Variants in TRIOBP observed in about 807,000 individuals in gnomAD.
TRIOBP encodes the protein TRIO and F-actin-binding protein.
TRIOBP carries 169 observed loss-of-function variants against 238.8 expected under a neutral mutation model. That is an observed-to-expected ratio of 0.71 (90% CI 0.62 to 0.80). The LOEUF (loss-of-function observed/expected upper bound fraction) is 0.80. Ranked by LOEUF, TRIOBP falls within the 30% of genes least tolerant of loss-of-function variation. The probability of loss-of-function intolerance (pLI) is 0.00; values close to 1 mark genes in which losing one functional copy is unlikely to be tolerated. For missense variants in TRIOBP, 2,838 were observed against 3,122.6 expected, an observed-to-expected ratio of 0.91 and a Z score of 2.17; for synonymous variants, 1,150 against 1,274.4, an observed-to-expected ratio of 0.90 and a Z score of 2.08.
At position 37,726,444 on chromosome 22, in the gene TRIOBP, G is replaced by C. The variant is rs1924166198; in HGVS notation, c.3888G>C (p.Gly1296=). 6.3e-7 allele frequency: 1 copy of C among 1,575,862 alleles called. No homozygotes were observed. Among genetic ancestry groups the C allele is most frequent in the Non-Finnish European group, 8.6e-7 (1 of 1,164,502 alleles). ...QPGPQAQCSS[G]GRTHSPGRAE... ...GGCCCCAGGCGCAGTGCAGCAGCGG[G>C]GGCCGCACCCACAGCCCTGGCCGTG... The change falls in exon 7 of 24, where the codon GGG becomes GGC. Residue 1296 remains glycine, a synonymous_variant. Transcript: ENST00000644935.
At chr22:37,746,509 C>A in intron 11 of TRIOBP, 2 of 1,154,684 alleles carry the variant, frequency 1.7e-6, no homozygotes, top group Admixed American at 3.5e-5. Context: ...CCGGGGCAGC[C>A]CCCTCCTCAT....
intron 4 of TRIOBP, among the ~76,000 whole-genome samples, chr22:37,712,896 G>A (rs1042196872): frequency 6.6e-6 from 1 of 151,664 alleles, no homozygotes; most frequent in African/African-American, 2.4e-5. Flanking sequence ...GGCAGAGATT[G>A]CAGTGAGCCG....
rs1468472162 is a variant in TRIOBP, at chr22:37,701,585, TC to T, written c.114+108del. On this transcript the variant is annotated intron_variant, in intron 3 of 23. Coordinates refer to ENST00000644935, the MANE Select transcript of TRIOBP (RefSeq NM_001039141.3). ...CGCAGTTGAACCCAGATGCTGGACTTCCTCCTGTCGAGAGCCTCGGTTTTCC... is the reference window on the plus strand; with the variant it reads ...CGCAGTTGAACCCAGATGCTGGACTTCTCCTGTCGAGAGCCTCGGTTTTCC... 5.0e-6 allele frequency: 4 copies of T among 800,714 alleles called. No homozygotes were observed. In the East Asian group the frequency reaches 1.1e-4, roughly 22 times the overall value. 49.6% of individuals were successfully genotyped at this position (800,714 alleles called of 1,614,324 possible). A position where few individuals can be genotyped will look rare whatever the true frequency, so the allele number is the denominator to read the frequency against.
Position 37,725,169 on chromosome 22 carries a change from C to T in TRIOBP, c.2613C>T (p.Cys871=). 3 of 1,614,146 alleles carry T rather than the reference C, an allele frequency of 1.9e-6. No individual in the cohort carries two copies. Among genetic ancestry groups the T allele is most frequent in the Non-Finnish European group, 2.5e-6 (3 of 1,180,004 alleles). ...ACCCTGGAACCTCCTCATCTCAATG[C>T]TGCACCCAAAAGGAGAATCTGAGAC... The part of the protein sequence containing the change: ...RDNPGTSSSQ[C]CTQKENLRPS... The change falls in exon 7 of 24, where the codon TGC becomes TGT. Residue 871 remains cysteine (C), a synonymous_variant. Transcript: ENST00000644935.
intron 6 of TRIOBP, 71 bp downstream of exon 6, chr22:37,716,005 A>G: frequency 1.3e-6 from 2 of 1,568,764 alleles, no homozygotes; most frequent in Non-Finnish European, 8.7e-7. Context: ...CTCACTGGCC[A>G]TTTGGGACTC....
intron 3 of TRIOBP, among the ~76,000 whole-genome samples, chr22:37,705,815 A>G (rs906277882): frequency 5.9e-5 from 9 of 152,092 alleles, no homozygotes; most frequent in South Asian, 2.1e-4. Flanking sequence ...GCCTCAAGCA[A>G]TCTGCCCTCC....
chr22:37,700,512 C>T (rs1922591146), intron 2 of TRIOBP, among the ~76,000 whole-genome samples: 1 of 151,542 alleles, frequency 6.6e-6, no homozygotes, highest in Admixed American at 6.6e-5. Context: ...ACCTCCCAGA[C>T]TCAGGTGATC....
chr22:37,733,516 A>G, intron 8 of TRIOBP, 104 bp downstream of exon 8: 3 of 905,112 alleles, frequency 3.3e-6, no homozygotes, highest in South Asian at 2.8e-5. Context: ...AAGGTCCTCT[A>G]TGAAAGGGTC....
intron 14 of TRIOBP, 46 bp from the exon 15 acceptor site, chr22:37,755,504 C>G: frequency 6.5e-7 from 1 of 1,540,448 alleles, no homozygotes. Flanking sequence ...GGGAGGGAGT[C>G]ATGCGGCTGG....
chr22:37,733,968 A>G (rs1924543274), intron 8 of TRIOBP, among the ~76,000 whole-genome samples: 1 of 152,214 alleles, frequency 6.6e-6, no homozygotes, highest in Non-Finnish European at 1.5e-5. Context: ...CACCTGGCCA[A>G]TACTGCTGTC....
Position 37,724,611 on chromosome 22 carries a change from C to T in TRIOBP, c.2055C>T (p.Ser685=), listed in dbSNP as rs780007750. 12 of 1,612,236 alleles carry T rather than the reference C, an allele frequency of 7.4e-6. No individual in the cohort carries two copies. In the South Asian group the frequency reaches 9.9e-5, roughly 13 times the overall value. Reference sequence around the variant, plus strand: ...CCCTACGGGACAATCCCAGAGCCTCCTCTCCCAGCAGAACCATCCAACAAG... The same window carrying T: ...CCCTACGGGACAATCCCAGAGCCTCTTCTCCCAGCAGAACCATCCAACAAG... The part of the protein sequence containing the change: ...SCALRDNPRA[S]SPSRTIQQEN... The change falls in exon 7 of 24, where the codon TCC becomes TCT. Residue 685 remains serine, a synonymous_variant. Coordinates refer to ENST00000644935, the MANE Select transcript of TRIOBP (RefSeq NM_001039141.3).
At position 37,701,325 on chromosome 22, in the gene TRIOBP, C is replaced by A; in HGVS notation, c.-41C>A. ...TGCCAGGCCTCACATAGACGGTCAGCCATTGGATCATAGGAACTGCCCTGG... is the reference window on the plus strand; with the variant it reads ...TGCCAGGCCTCACATAGACGGTCAGACATTGGATCATAGGAACTGCCCTGG... On this transcript the variant is annotated 5_prime_UTR_variant, in exon 3 of 24. Coordinates refer to ENST00000644935, the MANE Select transcript of TRIOBP (RefSeq NM_001039141.3). 1.3e-6 allele frequency: 2 copies of A among 1,516,568 alleles called. No individual in the cohort carries two copies. Among genetic ancestry groups the A allele is most frequent in the Non-Finnish European group, 1.8e-6 (2 of 1,100,420 alleles). 93.9% of individuals were successfully genotyped at this position (1,516,568 alleles called of 1,614,324 possible).
chr22:37,737,617 C>T (rs933859633), intron 9 of TRIOBP, among the ~76,000 whole-genome samples: 3 of 149,264 alleles, frequency 2.0e-5, no homozygotes, highest in East Asian at 2.0e-4. Context: ...GCCGAGATCA[C>T]GCCACTGCAC....
chr22:37,770,502 C>T (rs1402627946), intron 21 of TRIOBP, among the ~76,000 whole-genome samples: 2 of 151,530 alleles, frequency 1.3e-5, no homozygotes, highest in Non-Finnish European at 2.9e-5. Flanking sequence ...CTCAGCCTCC[C>T]AAGTAGCTAG....
At chr22:37,741,103 T>C (rs939448882) in intron 11 of TRIOBP, 71 bp downstream of exon 11, 2 of 1,529,450 alleles carry the variant, frequency 1.3e-6, no homozygotes, top group African/African-American at 2.8e-5. Context: ...AGGAGGGGGC[T>C]GTTAAGCAAA....
At chr22:37,707,089 G>GA (rs1922984707) in intron 3 of TRIOBP, among the ~76,000 whole-genome samples, 1 of 152,122 alleles carries the variant, frequency 6.6e-6, no homozygotes, top group African/African-American at 2.4e-5. Flanking sequence ...CTAGCATGGT[G>GA]AAATCCTGAC....
In TRIOBP at chr22:37,707,740, G is replaced by A. The variant is rs539245238; in HGVS notation, c.115-2687G>A. On this transcript the variant is annotated intron_variant, in intron 3 of 23. Transcript: ENST00000644935. ...GTGGATCACCTGAGGTCAGGAGTTC[G>A]AGACCACCCTGGCCAACATGGTGAA... Among the ~76,000 whole-genome samples the A allele has an allele frequency of 2.0e-4, 30 of 151,228 alleles. No individual in the cohort carries two copies. The South Asian group carries it at 6.1e-3, about 31-fold the overall frequency.
intron 4 of TRIOBP, among the ~76,000 whole-genome samples, chr22:37,711,564 G>T (rs1923236612): frequency 7.4e-6 from 1 of 135,752 alleles, no homozygotes; most frequent in South Asian, 2.3e-4. Flanking sequence ...GGGTGACACA[G>T]CGAGGCTCCG....
intron 11 of TRIOBP, chr22:37,746,331 GGC>G: frequency 8.6e-7 from 1 of 1,158,220 alleles, no homozygotes; most frequent in Non-Finnish European, 1.1e-6. Context: ...CGGCGGCGGC[GGC>G]GGGGTTCCCG....
Sources: allele counts gnomAD v4.1 joint callset (sites outside exome capture counted in the v4.1 genomes callset), GRCh38; gene constraint gnomAD v4.1.1; transcripts MANE v1.5; gene names NCBI Gene and HGNC (gene_info 2026-07-23, HGNC 2026-07-21).